Variants in PCDHA6 observed in about 807,000 individuals in gnomAD.
PCDHA6 encodes the protein protocadherin alpha-6.
Under a neutral mutation model 60.3 loss-of-function variants are expected in PCDHA6, and 55 were observed. The ratio of observed to expected loss-of-function variants is 0.91; its 90% confidence interval spans 0.73 to 1.14. The LOEUF (loss-of-function observed/expected upper bound fraction) is 1.14, where lower values mean the gene tolerates loss of function less well. PCDHA6 is among the 50% of genes most tolerant of loss of function. The pLI, the probability that PCDHA6 is intolerant of heterozygous loss-of-function variation, is 0.00. For synonymous variants in PCDHA6, 652 were observed against 557.9 expected, an observed-to-expected ratio of 1.17 and a Z score of -2.38; for missense variants, 1,327 against 1,256.5, an observed-to-expected ratio of 1.06 and a Z score of -0.85.
chr5:140,900,420 GGC>G lies in PCDHA6; in HGVS notation c.2394+69936_2394+69937del, dbSNP rs1554189140. ...AGCCTCCCAAGTAGCTGGGATTATA[GGC>G]ACGTGCCACCACGGCCGGCTAATTT... On this transcript the variant is annotated intron_variant, in intron 1 of 3. Transcript: ENST00000529310. Among the ~76,000 whole-genome samples the G allele has an allele frequency of 7.9e-5, 12 of 152,256 alleles. No individual in the cohort carries two copies. The East Asian group carries it at 2.3e-3, about 30-fold the overall frequency.
At chr5:140,841,683 T>C in intron 1 of PCDHA6, 1 of 1,613,816 alleles carries the variant, frequency 6.2e-7, no homozygotes, top group South Asian at 1.1e-5. Flanking sequence ...CATGTGGACG[T>C]GGAGGTGAAG....
At chr5:140,944,655 C>A (rs1045047658) in intron 1 of PCDHA6, among the ~76,000 whole-genome samples, 3 of 152,128 alleles carry the variant, frequency 2.0e-5, no homozygotes, top group Admixed American at 2.0e-4. Flanking sequence ...GGAGTCCATA[C>A]CCCTTATTTA....
chr5:140,929,185 GATA>G (rs1393626283), intron 1 of PCDHA6: 12 of 1,614,168 alleles, frequency 7.4e-6, no homozygotes, highest in Non-Finnish European at 1.0e-5. Flanking sequence ...ACTTGGTTCT[GATA>G]ATAACAGTTT....
intron 1 of PCDHA6, chr5:140,864,741 C>T (rs1031120106): frequency 1.1e-4 from 17 of 151,978 alleles, no homozygotes; most frequent in Admixed American, 3.3e-4. Flanking sequence ...CTTTGAGCAC[C>T]GATTATACTC....
chr5:140,924,872 G>A (rs1161649938), intron 1 of PCDHA6, among the ~76,000 whole-genome samples: 2 of 149,350 alleles, frequency 1.3e-5, no homozygotes, highest in South Asian at 2.1e-4. Context: ...TCCAGCCTGG[G>A]TGACAGAGCA....
chr5:140,879,390 A>T (rs2057972127), intron 1 of PCDHA6, among the ~76,000 whole-genome samples: 1 of 152,202 alleles, frequency 6.6e-6, no homozygotes, highest in Admixed American at 6.5e-5. Context: ...TTGGAGAAAC[A>T]GTTTGTGTGT....
intron 3 of PCDHA6, among the ~76,000 whole-genome samples, chr5:140,989,263 A>G (rs2097334941): frequency 6.6e-6 from 1 of 152,146 alleles, no homozygotes; most frequent in South Asian, 2.1e-4. Flanking sequence ...GGGAGATTCA[A>G]GTTTCTGCTG....
At chr5:140,902,395 G>A (rs782771913) in intron 1 of PCDHA6, among the ~76,000 whole-genome samples, 2 of 151,802 alleles carry the variant, frequency 1.3e-5, no homozygotes, top group Non-Finnish European at 2.9e-5. Context: ...GTACTATGTT[G>A]AATACTATGT....
chr5:140,869,737 C>T (rs781857700), intron 1 of PCDHA6: 4 of 1,613,276 alleles, frequency 2.5e-6, no homozygotes, highest in Admixed American at 1.7e-5. Context: ...TAATTTGCTG[C>T]TAACAGCTAC....
chr5:140,842,051 C>G (rs2150328197), intron 1 of PCDHA6: 4 of 1,613,852 alleles, frequency 2.5e-6, no homozygotes, highest in Non-Finnish European at 3.4e-6. Flanking sequence ...CACTTTCGAA[C>G]AGTCTGAATA....
At chr5:140,898,471 C>G (rs1421437999) in intron 1 of PCDHA6, among the ~76,000 whole-genome samples, 1 of 152,108 alleles carries the variant, frequency 6.6e-6, no homozygotes, top group African/African-American at 2.4e-5. Flanking sequence ...GCTTGTTTTT[C>G]TCAGGTTTGT....
rs574140858 is a variant in PCDHA6 at position 140,929,782 on chromosome 5, A to C, written c.2395-49167A>C. On this transcript the variant is annotated intron_variant, in intron 1 of 3. Coordinates refer to ENST00000529310, the MANE Select transcript of PCDHA6 (RefSeq NM_018909.4). The stretch of plus-strand genomic sequence containing the variant: ...GACGATAACCACAAAAGATGTAAAA[A>C]TAAATTACAATGGGGGTTAAAAGAA... The C allele has an allele frequency of 1.8e-5, 3 of 168,346 alleles. No individual in the cohort carries two copies. The Admixed American group carries it at 1.9e-4, about 11-fold the overall frequency. 10.4% of individuals were successfully genotyped at this position (168,346 alleles called of 1,614,324 possible). A position where few individuals can be genotyped will look rare whatever the true frequency, so the allele number is the denominator to read the frequency against.
intron 1 of PCDHA6, among the ~76,000 whole-genome samples, chr5:140,920,824 C>T (rs537294471): frequency 3.4e-5 from 5 of 145,004 alleles, no homozygotes; most frequent in Admixed American, 1.4e-4. Context: ...AGCCTGGCGA[C>T]GGAGCAAGAC....
Position 140,842,478 on chromosome 5 carries a change from C to A in PCDHA6, c.2394+11993C>A, listed in dbSNP as rs2150337029. 3.7e-4 allele frequency: 597 copies of A among 1,613,926 alleles called. 9 individuals carry two copies. The African/African-American group carries it at 6.5e-3, about 18-fold the overall frequency. On this transcript the variant is annotated intron_variant, in intron 1 of 3. Transcript: ENST00000529310. ...GATTCAGGTGCCAACGGGCAGGTGA[C>A]CTGCTCCCTGATGCCCCATGTCCCC...
intron 1 of PCDHA6, among the ~76,000 whole-genome samples, chr5:140,924,739 ACAAAAATTAACCGAG>A (rs2081980485): frequency 6.6e-6 from 1 of 151,884 alleles, no homozygotes; most frequent in Non-Finnish European, 1.5e-5. Flanking sequence ...TAATAAAAAT[ACAAAAATTAACCGAG>A]CATGGTGGTG....
chr5:140,849,276 G>A, intron 1 of PCDHA6: 1 of 1,173,354 alleles, frequency 8.5e-7, no homozygotes, highest in Admixed American at 2.6e-5. Flanking sequence ...CGGAACGCTG[G>A]TGATTCACCC....
intron 1 of PCDHA6, chr5:140,882,487 C>G: frequency 6.2e-7 from 1 of 1,614,054 alleles, no homozygotes; most frequent in Non-Finnish European, 8.5e-7. Flanking sequence ...GACACGGGGA[C>G]CTTCTGGAGG....
At chr5:140,856,471 A>G (rs782438318) in intron 1 of PCDHA6, 6 of 1,597,856 alleles carry the variant, frequency 3.8e-6, no homozygotes, top group South Asian at 2.2e-5. Flanking sequence ...AGCTCTCAAT[A>G]CCTGAATCCA....
At chr5:140,893,327 GT>G (rs2063928643) in intron 1 of PCDHA6, among the ~76,000 whole-genome samples, 1 of 152,164 alleles carries the variant, frequency 6.6e-6, no homozygotes, top group Non-Finnish European at 1.5e-5. Flanking sequence ...CTCCCATACT[GT>G]TTTCCTTAGT....
Sources: allele counts gnomAD v4.1 joint callset (sites outside exome capture counted in the v4.1 genomes callset), GRCh38; gene constraint gnomAD v4.1.1; transcripts MANE v1.5; gene names NCBI Gene and HGNC (gene_info 2026-07-23, HGNC 2026-07-21).